The following ANK2 variants were observed in gnomAD, a reference collection of about 807,000 sequenced individuals.
ANK2 encodes the protein ankyrin 2.
Under a neutral mutation model 360.5 loss-of-function variants are expected in ANK2, and 83 were observed. The observed-to-expected ratio is 0.23, with a 90% CI of 0.19 to 0.28. ANK2 has a LOEUF of 0.28. Ranked by LOEUF, ANK2 falls within the 10% of genes least tolerant of loss-of-function variation. ANK2 has a pLI of 1.00. For synonymous variants in ANK2, 1,740 were observed against 1,759.5 expected (o/e 0.99, Z 0.28); for missense variants, 4,201 against 4,795.7 (o/e 0.88, Z 3.66).
At chr4:112,800,718 A>G in the ANK2 span, among the ~76,000 whole-genome samples, 5 of 152,098 alleles carry the variant, frequency 3.3e-5, no homozygotes, top group Non-Finnish European at 7.3e-5. Flanking sequence ...GTGCAGGCGC[A>G]ATCTTGGCTG....
intron 2 of ANK2, among the ~76,000 whole-genome samples, chr4:113,029,319 C>T (rs993874138): frequency 8.5e-5 from 13 of 152,226 alleles, no homozygotes; most frequent in African/African-American, 3.1e-4. Context: ...ACTACATCCT[C>T]TAACTCCTGG....
chr4:113,154,567 T>C (rs559823836), intron 1 of ANK2, among the ~76,000 whole-genome samples: 2 of 152,354 alleles, frequency 1.3e-5, no homozygotes, highest in Non-Finnish European at 2.9e-5. Context: ...TAAAAGTTCT[T>C]AATATATCGA....
At chr4:113,322,211 G>A (rs1212645059) in intron 26 of ANK2, among the ~76,000 whole-genome samples, 2 of 152,044 alleles carry the variant, frequency 1.3e-5, no homozygotes, top group Non-Finnish European at 2.9e-5. Flanking sequence ...TGTTTCCAGT[G>A]ACTAATGTTC....
intron 1 of ANK2, among the ~76,000 whole-genome samples, chr4:113,078,794 A>G (rs925903268): frequency 1.3e-5 from 2 of 152,222 alleles, no homozygotes; most frequent in Non-Finnish European, 2.9e-5. Context: ...AAAAAGGAGC[A>G]CTTAATCACT....
chr4:113,160,928 C>T (rs2097512847), intron 1 of ANK2, among the ~76,000 whole-genome samples: 1 of 152,172 alleles, frequency 6.6e-6, no homozygotes, highest in South Asian at 2.1e-4. Context: ...GCTATCCTTG[C>T]CTCTGGGAAA....
At chr4:113,244,908 T>C (rs1285435999) in intron 9 of ANK2, among the ~76,000 whole-genome samples, 2 of 152,156 alleles carry the variant, frequency 1.3e-5, no homozygotes, top group Non-Finnish European at 2.9e-5. Context: ...GAATGATGGT[T>C]TCCAGCTTCA....
At chr4:113,090,181 TA>T (rs2087117536) in intron 1 of ANK2, among the ~76,000 whole-genome samples, 1 of 152,222 alleles carries the variant, frequency 6.6e-6, no homozygotes, top group African/African-American at 2.4e-5. Context: ...ATTCCTCAGT[TA>T]AATCTCTTTC....
chr4:113,271,479 GAC>G (rs3059950), intron 14 of ANK2, among the ~76,000 whole-genome samples: 12 of 150,388 alleles, frequency 8.0e-5, no homozygotes, highest in Admixed American at 1.3e-4. Flanking sequence ...TGCACGCACA[GAC>G]ACACACACAC....
intron 2 of ANK2, among the ~76,000 whole-genome samples, chr4:113,194,464 A>G (rs2098719103): frequency 6.6e-6 from 1 of 152,212 alleles, no homozygotes; most frequent in Non-Finnish European, 1.5e-5. Flanking sequence ...CAAGAGAAGT[A>G]GTGAACAGAG....
intron 13 of ANK2, among the ~76,000 whole-genome samples, chr4:113,264,412 C>G (rs765573266): frequency 3.9e-4 from 59 of 152,134 alleles, no homozygotes; most frequent in Non-Finnish European, 7.6e-4. Flanking sequence ...ACTTCATCAC[C>G]AAAATCAATT....
At chr4:112,848,141 T>A (rs558298093) in intron 1 of ANK2, among the ~76,000 whole-genome samples, 1 of 152,302 alleles carries the variant, frequency 6.6e-6, no homozygotes, top group South Asian at 2.1e-4. Context: ...AATGTATTTA[T>A]TTGAGACAGA....
intron 31 of ANK2, 110 bp from the exon 32 acceptor site, chr4:113,339,116 C>T (rs886122884): frequency 2.1e-5 from 18 of 862,862 alleles, no homozygotes; most frequent in Non-Finnish European, 3.3e-5. Context: ...TTCAATGTGC[C>T]ATTTTGAGGG....
intron 24 of ANK2, among the ~76,000 whole-genome samples, chr4:113,314,684 A>G (rs1297986830): frequency 6.6e-6 from 1 of 152,210 alleles, no homozygotes; most frequent in Non-Finnish European, 1.5e-5. Flanking sequence ...CATGCTGGTT[A>G]TATTATTTTA....
intron 2 of ANK2, among the ~76,000 whole-genome samples, chr4:112,960,487 C>G (rs17008019): frequency 0.015 from 2,301 of 151,998 alleles, 54 homozygotes; most frequent in African/African-American, 0.051. Context: ...CAAATGTAAT[C>G]GCTGTTTTGT....
chr4:113,378,122 C>A (rs963534361), intron 45 of ANK2: 11 of 1,280,408 alleles, frequency 8.6e-6, no homozygotes, highest in Non-Finnish European at 1.1e-5. Context: ...ACATGAAAGT[C>A]CACTTACCCA....
At chr4:112,718,714 T>C in the ANK2 span, among the ~76,000 whole-genome samples, 1 of 152,222 alleles carries the variant, frequency 6.6e-6, no homozygotes. Flanking sequence ...CTCAGCTCAC[T>C]GCAACCTCTG....
At chr4:112,891,405 T>C (rs1243942983) in intron 1 of ANK2, among the ~76,000 whole-genome samples, 2 of 152,240 alleles carry the variant, frequency 1.3e-5, no homozygotes, top group African/African-American at 4.8e-5. Flanking sequence ...GACAATATAA[T>C]TTATTTTTCA....
chr4:112,720,053 C>T, the ANK2 span, among the ~76,000 whole-genome samples: 1 of 152,132 alleles, frequency 6.6e-6, no homozygotes, highest in African/African-American at 2.4e-5. Context: ...TCATGGTTTT[C>T]CTACCAGCGT....
Position 113,064,790 on chromosome 4 carries a change from GAA to G in ANK2, c.84+14980_84+14981del, listed in dbSNP as rs1491309040. Among the ~76,000 whole-genome samples, 567 of 115,204 alleles carry G rather than the reference GAA, an allele frequency of 4.9e-3. 1 individual carries two copies. The highest frequency in any genetic ancestry group is 0.015 in the Middle Eastern group (3 of 198). The allele number at this position is 115,204 out of a possible 152,430, so 75.6% of individuals were successfully genotyped here. The stretch of plus-strand genomic sequence containing the variant: ...TGTAGAACTTCTAACAAAAATGTTA[GAA>G]AGTTCTGTAGAACTTCTAACAAAAA... On this transcript the variant is annotated intron_variant, in intron 1 of 45. Transcript: ENST00000357077.
Sources: allele counts gnomAD v4.1 joint callset (sites outside exome capture counted in the v4.1 genomes callset), GRCh38; gene constraint gnomAD v4.1.1; transcripts MANE v1.5; gene names NCBI Gene and HGNC (gene_info 2026-07-23, HGNC 2026-07-21).